The following DLG2 variants were observed in gnomAD, a reference collection of about 807,000 sequenced individuals.
DLG2 encodes discs large MAGUK scaffold protein 2, also known as disks large homolog 2.
A neutral mutation model predicts 132.5 loss-of-function variants in DLG2; 45 were observed. That is an observed-to-expected ratio of 0.34 (90% CI 0.27 to 0.44). The LOEUF (loss-of-function observed/expected upper bound fraction) is 0.44, where lower values mean the gene tolerates loss of function less well. Ranked by LOEUF, DLG2 falls within the 20% of genes least tolerant of loss-of-function variation. The pLI is 1.00. For synonymous variants in DLG2, 424 were observed against 419.6 expected (o/e 1.01, Z -0.13); for missense variants, 1,045 against 1,196.9 (o/e 0.87, Z 1.87).
At chr11:84,106,980 G>GGGTA (rs2092994825) in intron 9 of DLG2, among the ~76,000 whole-genome samples, 1 of 104,944 alleles carries the variant, frequency 9.5e-6, no homozygotes, top group Non-Finnish European at 2.1e-5. Context: ...TAGCCTTAGG[G>GGGTA]TGTGTGTGTG....
At chr11:85,347,061 A>C (rs1207757880) in intron 3 of DLG2, among the ~76,000 whole-genome samples, 1 of 152,170 alleles carries the variant, frequency 6.6e-6, no homozygotes, top group Non-Finnish European at 1.5e-5. Context: ...TGCTCACCTC[A>C]AAATAGTCAT....
intron 3 of DLG2, among the ~76,000 whole-genome samples, chr11:85,398,136 G>A (rs956027328): frequency 7.2e-5 from 11 of 152,056 alleles, no homozygotes; most frequent in East Asian, 3.9e-4. Flanking sequence ...ACTCAAAACC[G>A]CACAACTTTA....
chr11:83,790,667 C>G (rs1411525729), intron 17 of DLG2: 1 of 950,006 alleles, frequency 1.1e-6, no homozygotes, highest in South Asian at 1.3e-5. Context: ...GGACATGATG[C>G]GGACCCACTC....
At chr11:85,346,635 C>G (rs1443317896) in intron 3 of DLG2, among the ~76,000 whole-genome samples, 1 of 152,152 alleles carries the variant, frequency 6.6e-6, no homozygotes. Flanking sequence ...GTTCCCTTAA[C>G]CGTAAACATC....
chr11:84,137,132 T>C (rs1461794617), intron 9 of DLG2, among the ~76,000 whole-genome samples: 2 of 152,138 alleles, frequency 1.3e-5, no homozygotes, highest in Non-Finnish European at 2.9e-5. Flanking sequence ...TTGTGGCAAC[T>C]TACCAGACAG....
chr11:84,446,256 T>A (rs1178225651), intron 7 of DLG2, among the ~76,000 whole-genome samples: 1 of 152,084 alleles, frequency 6.6e-6, no homozygotes, highest in East Asian at 1.9e-4. Flanking sequence ...TCTATCATGT[T>A]CTGTTTTTAT....
intron 18 of DLG2, among the ~76,000 whole-genome samples, chr11:83,712,995 T>G (rs1000628229): frequency 1.3e-5 from 2 of 151,184 alleles, no homozygotes; most frequent in Admixed American, 1.3e-4. Context: ...AGAAAGAAAA[T>G]AAAAAAAAAT....
intron 4 of DLG2, among the ~76,000 whole-genome samples, chr11:85,196,268 A>G (rs536513170): frequency 1.6e-4 from 24 of 152,354 alleles, no homozygotes; most frequent in Admixed American, 3.3e-4. Context: ...TGGAGACTCA[A>G]TTTCCAATTG....
intron 18 of DLG2, among the ~76,000 whole-genome samples, chr11:83,716,411 C>T (rs1023042849): frequency 6.6e-6 from 1 of 152,166 alleles, no homozygotes; most frequent in African/African-American, 2.4e-5. Context: ...ACATCAGTTG[C>T]TCATTTTTCA....
intron 7 of DLG2, among the ~76,000 whole-genome samples, chr11:84,465,514 A>C (rs2099091858): frequency 6.6e-6 from 1 of 151,142 alleles, no homozygotes; most frequent in Non-Finnish European, 1.5e-5. Context: ...CCCCATCCTC[A>C]AGCTTCATTA....
chr11:83,786,627 TA>T, intron 18 of DLG2, 62 bp downstream of exon 18: 1 of 1,388,852 alleles, frequency 7.2e-7, no homozygotes, highest in South Asian at 1.2e-5. Flanking sequence ...AAATTATTAG[TA>T]ATGAGGGTAC....
chr11:83,559,437 G>A (rs1331838666), intron 19 of DLG2, among the ~76,000 whole-genome samples: 1 of 152,114 alleles, frequency 6.6e-6, no homozygotes, highest in African/African-American at 2.4e-5. Flanking sequence ...ATTCAATGAA[G>A]GTACTTTGTT....
intron 7 of DLG2, among the ~76,000 whole-genome samples, chr11:84,294,798 G>A (rs1158039856): frequency 1.3e-5 from 2 of 151,978 alleles, no homozygotes; most frequent in Non-Finnish European, 2.9e-5. Flanking sequence ...TTGGGGTAAG[G>A]GTGGAGTATG....
chr11:83,822,856 C>T (rs763792450), intron 17 of DLG2, among the ~76,000 whole-genome samples: 3 of 152,094 alleles, frequency 2.0e-5, no homozygotes, highest in Non-Finnish European at 4.4e-5. Context: ...CAATCAAGCT[C>T]CCATCAGGTA....
At chr11:85,270,150 G>T (rs1212042536) in intron 4 of DLG2, among the ~76,000 whole-genome samples, 1 of 152,152 alleles carries the variant, frequency 6.6e-6, no homozygotes, top group Non-Finnish European at 1.5e-5. Flanking sequence ...ATCTTGAATT[G>T]TAACTCCCAT....
intron 7 of DLG2, among the ~76,000 whole-genome samples, chr11:84,397,023 A>G (rs1352020741): frequency 6.6e-6 from 1 of 152,188 alleles, no homozygotes; most frequent in Non-Finnish European, 1.5e-5. Context: ...AATAGTTATC[A>G]TTTATTGAAT....
At chr11:84,249,685 A>G (rs1221352976) in intron 8 of DLG2, among the ~76,000 whole-genome samples, 1 of 152,234 alleles carries the variant, frequency 6.6e-6, no homozygotes, top group Non-Finnish European at 1.5e-5. Flanking sequence ...TAGGAAGAGT[A>G]AGAGAATAGT....
intron 18 of DLG2, among the ~76,000 whole-genome samples, chr11:83,662,902 A>C (rs560840386): frequency 1.2e-4 from 19 of 152,298 alleles, no homozygotes; most frequent in Non-Finnish European, 2.4e-4. Context: ...AGTATCTTAC[A>C]GTTTCCTCAG....
chr11:85,382,817 T>C (rs779229667), intron 3 of DLG2, among the ~76,000 whole-genome samples: 1 of 152,090 alleles, frequency 6.6e-6, no homozygotes, highest in Non-Finnish European at 1.5e-5. Context: ...ATATTGTGGC[T>C]ACAATAAAAA....
Sources: allele counts gnomAD v4.1 joint callset (sites outside exome capture counted in the v4.1 genomes callset), GRCh38; gene constraint gnomAD v4.1.1; transcripts MANE v1.5; gene names NCBI Gene and HGNC (gene_info 2026-07-23, HGNC 2026-07-21).